PMP22: variants seen among roughly 807,000 people sequenced by gnomAD.
The protein encoded by PMP22 is peripheral myelin protein 22, also known as Charcot-Marie-Tooth neuropathy 1A (greatly reduced nerve conduction velocity, hereditary motor sensory neuropathy Ia).
In PMP22, 2 loss-of-function variants were observed where a neutral mutation model predicts 18.9. The ratio of observed to expected loss-of-function variants is 0.11; its 90% CI spans 0.04 to 0.33. The LOEUF is 0.33. Ranked by LOEUF, PMP22 falls within the 10% of genes least tolerant of loss-of-function variation. The pLI, the probability that PMP22 is intolerant of heterozygous loss-of-function variation, is 1.00. For missense variants in PMP22, 169 were observed against 202.2 expected (o/e 0.84, Z 1.00); for synonymous variants, 95 against 89.2 (o/e 1.07, Z -0.37).
In PMP22 at chr17:15,230,100, C is replaced by T. The variant is rs914604240; in HGVS notation, c.*817G>A. The T allele has an allele frequency of 5.2e-5, 8 of 152,586 alleles. No individual in the cohort carries two copies. The highest frequency in any genetic ancestry group is 4.4e-5 in the Non-Finnish European group (3 of 68,028). The allele number at this position is 152,586 out of a possible 1,614,324, so 9.5% of individuals were successfully genotyped here. ...GTAATAATAGCAGCCTAGCTAGGTA[C>T]AAAAGCAGTTATAAACCATTTATAT... is the stretch of plus-strand genomic sequence containing the variant. On this transcript the variant is annotated 3_prime_UTR_variant, in exon 5 of 5. Coordinates refer to ENST00000312280, the MANE Select transcript of PMP22 (RefSeq NM_000304.4).
At chr17:15,240,478 C>T (rs1907229847) in intron 3 of PMP22, among the ~76,000 whole-genome samples, 1 of 148,836 alleles carries the variant, frequency 6.7e-6, no homozygotes, top group African/African-American at 2.5e-5. Context: ...TGTGTGATCG[C>T]CAACCACCAG....
In PMP22 at chr17:15,260,750, C is replaced by A. The variant is rs1057521404; in HGVS notation, c.-23G>T. ...CATTCTGGCGGCAAGTTCTGCTCAGCGGAGTTTCTGCCTGCGAGGAGAGCG... is the reference window on the plus strand; with the variant it reads ...CATTCTGGCGGCAAGTTCTGCTCAGAGGAGTTTCTGCCTGCGAGGAGAGCG... On this transcript the variant is annotated 5_prime_UTR_variant, in exon 2 of 5. Coordinates refer to ENST00000312280, the MANE Select transcript of PMP22 (RefSeq NM_000304.4). 10 of 1,547,300 alleles carry A rather than the reference C, an allele frequency of 6.5e-6. No homozygotes were observed. In the Admixed American group the frequency reaches 7.8e-5, roughly 12 times the overall value.
chr17:15,260,292 T>C (rs1909201372), intron 2 of PMP22: 1 of 321,676 alleles, frequency 3.1e-6, no homozygotes, highest in African/African-American at 2.2e-5. Context: ...GACTATGGTT[T>C]GGAGAAAAAA....
intron 3 of PMP22, among the ~76,000 whole-genome samples, chr17:15,240,893 T>G (rs1017098435): frequency 2.2e-4 from 33 of 152,204 alleles, no homozygotes; most frequent in Admixed American, 6.5e-5. Flanking sequence ...AGTAACTGAG[T>G]AAGATAAACT....
At position 15,230,922 on chromosome 17, in the gene PMP22, C is replaced by T. The variant is rs1022583382; in HGVS notation, c.478G>A (p.Glu160Lys). ...AGACAGACCGTCTGGGCGCCTCATT[C>T]GCGTTTCCGCAAGATCACATAGATG... is the stretch of plus-strand genomic sequence containing the variant. ...GVIYVILRKR[E>K] The change falls in exon 5 of 5, where the codon GAA (glutamate) becomes AAA (lysine). Residue 160 changes from glutamate (E) to lysine (K), a missense_variant. By Grantham distance (56) the Glu-to-Lys change is moderately conservative. Transcript: ENST00000312280. 1.9e-6 allele frequency: 3 copies of T among 1,613,870 alleles called. No homozygotes were observed. The highest frequency in any genetic ancestry group is 3.3e-5 in the Admixed American group (2 of 60,006).
At chr17:15,239,700 G>A in intron 3 of PMP22, 89 bp from the exon 4 acceptor site, 1 of 1,286,486 alleles carries the variant, frequency 7.8e-7, no homozygotes. Context: ...GGCCATGACT[G>A]CTGACAGCAC....
At chr17:15,231,181 T>TG in intron 4 of PMP22, 101 bp from the exon 5 acceptor site, 1 of 1,154,934 alleles carries the variant, frequency 8.7e-7, no homozygotes, top group Non-Finnish European at 1.3e-6. Context: ...AGGAAGAACA[T>TG]TTCTACCTCT....
At chr17:15,249,013 T>C (rs1007043232) in intron 3 of PMP22, among the ~76,000 whole-genome samples, 36 of 152,130 alleles carry the variant, frequency 2.4e-4, no homozygotes, top group African/African-American at 8.7e-4. Context: ...ATTCTCCCCA[T>C]AGAAATAATA....
chr17:15,246,995 G>A (rs373555757), intron 3 of PMP22, among the ~76,000 whole-genome samples: 9 of 146,138 alleles, frequency 6.2e-5, no homozygotes, highest in African/African-American at 1.5e-4. Context: ...ACTTGAACCC[G>A]GAAGGCGGAG....
At chr17:15,260,623 C>A in intron 2 of PMP22, 27 bp downstream of exon 2, 1 of 1,542,984 alleles carries the variant, frequency 6.5e-7, no homozygotes, top group East Asian at 2.4e-5. Flanking sequence ...GCGGGCCGCG[C>A]AGGGAGCCTC....
intron 3 of PMP22, among the ~76,000 whole-genome samples, chr17:15,240,829 C>T (rs1907257106): frequency 6.6e-6 from 1 of 152,144 alleles, no homozygotes; most frequent in Admixed American, 6.5e-5. Flanking sequence ...CAAAAGCATA[C>T]CTTCAATGCT....
intron 3 of PMP22, among the ~76,000 whole-genome samples, chr17:15,245,097 G>GA (rs1178154536): frequency 2.0e-5 from 3 of 151,554 alleles, no homozygotes; most frequent in African/African-American, 4.9e-5. Flanking sequence ...ACAGCGAGAG[G>GA]AAAAAAAACA....
At chr17:15,237,056 A>C (rs1046432781) in intron 4 of PMP22, among the ~76,000 whole-genome samples, 3 of 152,250 alleles carry the variant, frequency 2.0e-5, no homozygotes, top group African/African-American at 7.2e-5. Flanking sequence ...CTAGATGTAA[A>C]GGGGATAAAG....
chr17:15,239,736 A>G (rs968641223), intron 3 of PMP22, 125 bp from the exon 4 acceptor site: 14 of 863,244 alleles, frequency 1.6e-5, no homozygotes, highest in Non-Finnish European at 2.7e-5. Context: ...CAGAAGCAGA[A>G]GTCCTTTTTC....
intron 2 of PMP22, 127 bp from the exon 3 acceptor site, chr17:15,259,320 A>C (rs1029239274): frequency 5.4e-6 from 4 of 746,826 alleles, no homozygotes; most frequent in Non-Finnish European, 9.6e-6. Context: ...CCACCCCTGC[A>C]TGGTAAGAGC....
At chr17:15,238,259 A>G (rs1257441087) in intron 4 of PMP22, among the ~76,000 whole-genome samples, 1 of 152,160 alleles carries the variant, frequency 6.6e-6, no homozygotes, top group African/African-American at 2.4e-5. Flanking sequence ...GAAGTGGTTA[A>G]TCATTTACTT....
At chr17:15,256,754 G>T (rs911564620) in intron 3 of PMP22, among the ~76,000 whole-genome samples, 16 of 152,108 alleles carry the variant, frequency 1.1e-4, no homozygotes, top group African/African-American at 3.9e-4. Context: ...TAGTTCATTT[G>T]TAAAGACAGT....
At chr17:15,237,893 TA>T (rs1906946965) in intron 4 of PMP22, among the ~76,000 whole-genome samples, 1 of 152,024 alleles carries the variant, frequency 6.6e-6, no homozygotes, top group Non-Finnish European at 1.5e-5. Context: ...TCAATAGAAA[TA>T]CATTATGAAA....
chr17:15,259,245 G>A, intron 2 of PMP22, 52 bp from the exon 3 acceptor site: 4 of 1,424,634 alleles, frequency 2.8e-6, no homozygotes, highest in Non-Finnish European at 4.0e-6. Context: ...GAGGAGTGAA[G>A]GAAAAGGGGA....
Sources: allele counts gnomAD v4.1 joint callset (sites outside exome capture counted in the v4.1 genomes callset), GRCh38; gene constraint gnomAD v4.1.1; transcripts MANE v1.5; gene names NCBI Gene and HGNC (gene_info 2026-07-23, HGNC 2026-07-21).